FOCAD: variants seen among roughly 807,000 people sequenced by gnomAD.
The protein encoded by FOCAD is KIAA1797.
In FOCAD, 198 loss-of-function variants were observed where a neutral mutation model predicts 225.6. The observed-to-expected ratio is 0.88, with a 90% CI of 0.78 to 0.99. The LOEUF (loss-of-function observed/expected upper bound fraction) is 0.99. Ranked by LOEUF, FOCAD falls within the 50% of genes least tolerant of loss-of-function variation. The probability of loss-of-function intolerance (pLI) is 0.00; values close to 1 mark genes in which losing one functional copy is unlikely to be tolerated. For missense variants in FOCAD, 2,713 were observed against 2,123.6 expected (o/e 1.28, Z -5.46); for synonymous variants, 897 against 755.0 (o/e 1.19, Z -3.08).
At chr9:20,949,003 T>G in intron 32 of FOCAD, 75 bp downstream of exon 32, 2 of 1,350,048 alleles carry the variant, frequency 1.5e-6, no homozygotes, top group Non-Finnish European at 2.1e-6. Flanking sequence ...TACCCAGTGT[T>G]TTAGTATGCT....
chr9:20,658,578 A>G (rs888590316), intron 1 of FOCAD: 3 of 154,286 alleles, frequency 1.9e-5, no homozygotes, highest in Non-Finnish European at 2.9e-5. Flanking sequence ...TGACTCGGAA[A>G]GGGAACTCCC....
At chr9:20,670,538 T>G (rs1251309857) in intron 2 of FOCAD, among the ~76,000 whole-genome samples, 1 of 152,106 alleles carries the variant, frequency 6.6e-6, no homozygotes, top group African/African-American at 2.4e-5. Context: ...GTCACACTTT[T>G]AAATCACCAG....
At chr9:20,839,599 C>T (rs1015248955) in intron 15 of FOCAD, among the ~76,000 whole-genome samples, 1 of 151,964 alleles carries the variant, frequency 6.6e-6, no homozygotes, top group African/African-American at 2.4e-5. Flanking sequence ...TTAAGCACAA[C>T]TCCACACAAA....
At chr9:20,974,721 C>G (rs1233189185) in intron 35 of FOCAD, among the ~76,000 whole-genome samples, 27 of 107,124 alleles carry the variant, frequency 2.5e-4, no homozygotes, top group East Asian at 5.9e-4. Context: ...TCCTATGTTT[C>G]TCCTTTCTGT....
intron 19 of FOCAD, among the ~76,000 whole-genome samples, chr9:20,877,804 G>A (rs1830349684): frequency 3.3e-5 from 5 of 152,080 alleles, no homozygotes; most frequent in Admixed American, 3.3e-4. Flanking sequence ...CAGCTACTTG[G>A]GAGGCTGAGA....
chr9:20,945,025 TAGA>T (rs1302626256), intron 29 of FOCAD, among the ~76,000 whole-genome samples: 1 of 152,194 alleles, frequency 6.6e-6, no homozygotes, highest in Non-Finnish European at 1.5e-5. Flanking sequence ...TCAGCATCAC[TAGA>T]AGGCACTTTC....
rs116663356 is a variant in FOCAD, at chr9:20,882,834, C to T, written c.2503+778C>T. On this transcript the variant is annotated intron_variant, in intron 20 of 43. Transcript: ENST00000338382. ...TGGGATGGAAAGCTAAAGAGCTAAG[C>T]TGAAAATTTCTGAGAGCAGACCTAA... Among the ~76,000 whole-genome samples the T allele has an allele frequency of 2.1e-3, 324 of 152,244 alleles. 2 individuals carry two copies. Among genetic ancestry groups the T allele is most frequent in the African/African-American group, 7.4e-3 (307 of 41,542 alleles).
At chr9:20,810,287 T>C (rs1284351726) in intron 11 of FOCAD, among the ~76,000 whole-genome samples, 3 of 152,148 alleles carry the variant, frequency 2.0e-5, no homozygotes, top group Admixed American at 6.6e-5. Context: ...CTTAGTTACA[T>C]AGTTGCTTAC....
intron 4 of FOCAD, among the ~76,000 whole-genome samples, chr9:20,738,230 A>G (rs1051752369): frequency 1.3e-5 from 2 of 152,244 alleles, no homozygotes; most frequent in Non-Finnish European, 2.9e-5. Context: ...GGAAGAAGAC[A>G]AGGCAATACC....
At chr9:20,687,849 T>C (rs1161329912) in intron 1 of FOCAD, among the ~76,000 whole-genome samples, 3 of 152,122 alleles carry the variant, frequency 2.0e-5, no homozygotes, top group African/African-American at 7.2e-5. Context: ...GTCGTTCACA[T>C]AGTATAGTGG....
intron 42 of FOCAD, among the ~76,000 whole-genome samples, chr9:20,991,378 A>G (rs1447172528): frequency 6.6e-6 from 1 of 152,178 alleles, no homozygotes; most frequent in Non-Finnish European, 1.5e-5. Flanking sequence ...ATTAATCTTT[A>G]AAAACATTTC....
chr9:20,909,532 C>G (rs772970108), intron 22 of FOCAD, among the ~76,000 whole-genome samples: 8 of 152,016 alleles, frequency 5.3e-5, no homozygotes, highest in African/African-American at 9.7e-5. Context: ...CAATGCAGGT[C>G]AATTATTCTG....
At chr9:20,663,004 C>T (rs540134302) in intron 2 of FOCAD, among the ~76,000 whole-genome samples, 1 of 152,080 alleles carries the variant, frequency 6.6e-6, no homozygotes, top group Non-Finnish European at 1.5e-5. Context: ...AACAGTAACA[C>T]TTATAATGTA....
intron 21 of FOCAD, among the ~76,000 whole-genome samples, chr9:20,893,536 A>T (rs1831812675): frequency 6.6e-6 from 1 of 152,002 alleles, no homozygotes; most frequent in Admixed American, 6.6e-5. Flanking sequence ...TTGTGTTGTT[A>T]TTCATTTCTA....
At chr9:20,712,457 C>G (rs1014945474) in intron 1 of FOCAD, among the ~76,000 whole-genome samples, 1 of 152,042 alleles carries the variant, frequency 6.6e-6, no homozygotes, top group Admixed American at 6.6e-5. Context: ...GTCAGGAGTT[C>G]GAGACTAGCC....
intron 15 of FOCAD, among the ~76,000 whole-genome samples, chr9:20,847,517 T>G (rs1459338394): frequency 6.6e-6 from 1 of 151,510 alleles, no homozygotes; most frequent in Non-Finnish European, 1.5e-5. Context: ...TTTCCTGGTG[T>G]GTGTTTATGG....
chr9:20,874,835 T>G (rs1437959628), intron 19 of FOCAD, 28 bp downstream of exon 19: 19 of 1,612,822 alleles, frequency 1.2e-5, no homozygotes, highest in Non-Finnish European at 1.5e-5. Context: ...GTAGAGAAGC[T>G]AGCATTTTTT....
intron 1 of FOCAD, among the ~76,000 whole-genome samples, chr9:20,693,850 A>G (rs902122934): frequency 2.0e-5 from 3 of 152,198 alleles, no homozygotes; most frequent in African/African-American, 7.2e-5. Context: ...AGATGGGATT[A>G]CAGGTGCGTG....
intron 2 of FOCAD, among the ~76,000 whole-genome samples, chr9:20,674,154 A>G (rs1021150569): frequency 6.6e-6 from 1 of 152,190 alleles, no homozygotes; most frequent in Non-Finnish European, 1.5e-5. Context: ...AGCAAATTAT[A>G]TCAACTTACA....
Sources: gnomAD v4.1 joint callset for allele counts (sites outside exome capture counted in the v4.1 genomes callset) on GRCh38, gnomAD v4.1.1 for gene constraint, MANE v1.5 for transcripts, NCBI Gene and HGNC (gene_info 2026-07-23, HGNC 2026-07-21) for gene names.